The following LAD1 variants were observed in gnomAD, a reference collection of about 807,000 sequenced individuals.
The protein encoded by LAD1 is ladinin 1.
LAD1 carries 53 observed loss-of-function variants against 54.2 expected under a neutral mutation model. The ratio of observed to expected loss-of-function variants is 0.98; its 90% CI spans 0.78 to 1.23. The LOEUF is 1.23. Ranked by LOEUF, LAD1 falls within the 50% of genes most tolerant of loss-of-function variation. The pLI is 0.00. For missense variants in LAD1, 637 were observed against 653.3 expected, an observed-to-expected ratio of 0.98 and a Z score of 0.27; for synonymous variants, 231 against 257.7, an observed-to-expected ratio of 0.90 and a Z score of 0.99.
At chr1:201,390,650 T>C (rs1379650977) in intron 1 of LAD1, among the ~76,000 whole-genome samples, 1 of 152,220 alleles carries the variant, frequency 6.6e-6, no homozygotes, top group Non-Finnish European at 1.5e-5. Context: ...GTTGACACTT[T>C]GGCCAGACAA....
chr1:201,389,111 A>C, intron 2 of LAD1, 49 bp downstream of exon 2: 1 of 1,587,464 alleles, frequency 6.3e-7, no homozygotes, highest in Non-Finnish European at 8.6e-7. Context: ...ACTTAGTCTG[A>C]GGCAACCAGT....
intron 2 of LAD1, 24 bp downstream of exon 2, chr1:201,389,136 C>T (rs1253512176): frequency 6.2e-7 from 1 of 1,609,254 alleles, no homozygotes; most frequent in African/African-American, 1.3e-5. Flanking sequence ...CCCCATCCAT[C>T]AGGATAGAAA....
intron 5 of LAD1, 68 bp downstream of exon 5, chr1:201,384,724 G>T: frequency 6.6e-7 from 1 of 1,505,542 alleles, no homozygotes; most frequent in Non-Finnish European, 9.2e-7. Flanking sequence ...AGGAGGGCGG[G>T]TGCAGGTACT....
chr1:201,385,684 G>C lies in LAD1; in HGVS notation c.1131+17C>G. On this transcript the variant is annotated intron_variant, in intron 4 of 9. Transcript: ENST00000391967. ...GCCCTCCAGTGGCTCGCAGACCAGG[G>C]TGCCCAGGGCTCTCACCCGAAAGGA... 6.3e-7 allele frequency: 1 copy of C among 1,585,510 alleles called. No homozygotes were observed. The highest frequency in any genetic ancestry group is 8.7e-7 in the Non-Finnish European group (1 of 1,153,966).
chr1:201,384,419 C>A (rs560159499), intron 5 of LAD1, among the ~76,000 whole-genome samples: 1 of 152,300 alleles, frequency 6.6e-6, no homozygotes, highest in South Asian at 2.1e-4. Context: ...TGCAGACCCA[C>A]AGCCCCCCAA....
Position 201,389,239 on chromosome 1 carries a change from G to C in LAD1, c.103C>G (p.Arg35Gly). ...TCGTCCGTGGTGGAGCTCAGGTTGCGGTGCCGCCGCCTGCGCTCGCGCTCC... is the reference window on the plus strand; with the variant it reads ...TCGTCCGTGGTGGAGCTCAGGTTGCCGTGCCGCCGCCTGCGCTCGCGCTCC... ...EQERERRRRHRNLSSTTDDEA... is the reference protein window; with the variant it reads ...EQERERRRRHGNLSSTTDDEA... Residue 35 changes from arginine (R) to glycine (G), a missense_variant, in exon 2 of 10, where the codon CGC becomes GGC. Coordinates refer to ENST00000391967, the MANE Select transcript of LAD1 (RefSeq NM_005558.4). The C allele has an allele frequency of 6.2e-7, 1 of 1,614,148 alleles. No individual in the cohort carries two copies. Among genetic ancestry groups the C allele is most frequent in the Non-Finnish European group, 8.5e-7 (1 of 1,180,028 alleles).
In LAD1 at chr1:201,382,650, T is replaced by A; in HGVS notation, c.1473+3A>T. The A allele has an allele frequency of 1.3e-6, 2 of 1,593,580 alleles. No individual in the cohort carries two copies. Among genetic ancestry groups the A allele is most frequent in the Non-Finnish European group, 1.7e-6 (2 of 1,169,394 alleles). Reference sequence around the variant, plus strand: ...TAAGAGACATCAGGGAGGGTGAGGATACCTGGGGGTCCTGATCTCCAGATT... The same window carrying A: ...TAAGAGACATCAGGGAGGGTGAGGAAACCTGGGGGTCCTGATCTCCAGATT... On this transcript the variant is annotated splice_donor_region_variant and intron_variant, in intron 8 of 9. Transcript: ENST00000391967.
Position 201,386,552 on chromosome 1 carries a change from T to G in LAD1, c.809A>C (p.Glu270Ala), listed in dbSNP as rs777705469. Residue 270 changes from glutamate to alanine, a missense_variant, in exon 3 of 10, where the codon GAG (glutamate) becomes GCG (alanine). Physicochemically the swap from Glu to Ala is moderately radical, Grantham distance 107. Transcript: ENST00000391967. ...CTTAGCATCTGCAGTTGGGCTCTTC[T>G]CTGAGGCCAGTGCCTTCTCAAAGAT... Reference protein sequence around the residue: ...ASIFEKALASEKSPTADAKPA... With the variant: ...ASIFEKALASAKSPTADAKPA... 6 of 1,613,250 alleles carry G rather than the reference T, an allele frequency of 3.7e-6. No homozygotes were observed. In the East Asian group the frequency reaches 1.1e-4, roughly 30 times the overall value.
Position 201,389,238 on chromosome 1 carries a change from C to A in LAD1, c.104G>T (p.Arg35Leu). The change falls in exon 2 of 10, where the codon CGC becomes CTC. Residue 35 changes from arginine (R) to leucine (L), a missense_variant. Transcript: ENST00000391967. ...ATCGTCCGTGGTGGAGCTCAGGTTG[C>A]GGTGCCGCCGCCTGCGCTCGCGCTC... ...EQERERRRRHRNLSSTTDDEA... is the reference protein window; with the variant it reads ...EQERERRRRHLNLSSTTDDEA... The A allele has an allele frequency of 6.2e-7, 1 of 1,614,118 alleles. No homozygotes were observed. The highest frequency in any genetic ancestry group is 1.1e-5 in the South Asian group (1 of 91,084).
chr1:201,388,412 C>T (rs1254899920), intron 2 of LAD1, among the ~76,000 whole-genome samples: 1 of 147,348 alleles, frequency 6.8e-6, no homozygotes, highest in Non-Finnish European at 1.5e-5. Flanking sequence ...CAGCTGGGCA[C>T]GGTGGCTCAT....
intron 1 of LAD1, among the ~76,000 whole-genome samples, chr1:201,397,029 C>T (rs1662302874): frequency 6.6e-6 from 1 of 152,194 alleles, no homozygotes; most frequent in African/African-American, 2.4e-5. Context: ...CTGACCAGGG[C>T]ACCCAGCCAG....
In LAD1 at chr1:201,386,645, G is replaced by C. The variant is rs752766427; in HGVS notation, c.716C>G (p.Ser239Cys). 6 of 1,614,186 alleles carry C rather than the reference G, an allele frequency of 3.7e-6. No homozygotes were observed. The East Asian group carries it at 1.3e-4, about 36-fold the overall frequency. Residue 239 changes from serine to cysteine, a missense_variant, in exon 3 of 10, where the codon TCT becomes TGT. Physicochemically the swap from Ser to Cys is moderately radical, Grantham distance 112. Coordinates refer to ENST00000391967, the MANE Select transcript of LAD1 (RefSeq NM_005558.4). ...CATCCCTGGGGCCAGCGACTTCTCAGAGACACTGGTTTTTTCTAGAACAGA... is the reference window on the plus strand; with the variant it reads ...CATCCCTGGGGCCAGCGACTTCTCACAGACACTGGTTTTTTCTAGAACAGA... ...KKSVLEKTSVSEKSLAPGMAL... is the reference protein window; with the variant it reads ...KKSVLEKTSVCEKSLAPGMAL...
intron 5 of LAD1, among the ~76,000 whole-genome samples, chr1:201,384,426 C>G (rs1448824928): frequency 6.6e-6 from 1 of 152,204 alleles, no homozygotes. Context: ...CCACAGCCCC[C>G]CAACCAGGCC....
rs1057041292 is a variant in LAD1 at position 201,386,321 on chromosome 1, G to A, written c.1026+14C>T. 9.7e-6 allele frequency: 14 copies of A among 1,438,492 alleles called. 1 individual carries two copies. The East Asian group carries it at 1.5e-4, about 16-fold the overall frequency. 89.1% of individuals were successfully genotyped at this position (1,438,492 alleles called of 1,614,324 possible). ...GGCAGAGTAGAAGGGTGGGAGGGAC[G>A]GGACACTGCCAACCTGGAGTGTGAC... is the stretch of plus-strand genomic sequence containing the variant. On this transcript the variant is annotated intron_variant, in intron 3 of 9. Transcript: ENST00000391967.
intron 1 of LAD1, among the ~76,000 whole-genome samples, chr1:201,390,386 A>T (rs1662177434): frequency 1.3e-5 from 2 of 151,570 alleles, no homozygotes; most frequent in African/African-American, 4.9e-5. Context: ...AAAAAAAAAA[A>T]ATTAGCTGGG....
intron 1 of LAD1, among the ~76,000 whole-genome samples, chr1:201,390,534 CA>C (rs1190786404): frequency 1.3e-5 from 2 of 151,852 alleles, no homozygotes; most frequent in Non-Finnish European, 1.5e-5. Context: ...AACTCCATCT[CA>C]AAAAAAACTT....
chr1:201,382,108 C>A lies in LAD1; in HGVS notation c.1548+144G>T. 5 of 864,052 alleles carry A rather than the reference C, an allele frequency of 5.8e-6. No individual in the cohort carries two copies. The South Asian group carries it at 7.8e-5, about 13-fold the overall frequency. The allele number at this position is 864,052 out of a possible 1,614,324, so 53.5% of individuals were successfully genotyped here. A position where few individuals can be genotyped will look rare whatever the true frequency, so the allele number is the denominator to read the frequency against. On this transcript the variant is annotated intron_variant, in intron 9 of 9. Transcript: ENST00000391967. The stretch of plus-strand genomic sequence containing the variant: ...ACCTTGTTCTCACGGTTGGCTCAGA[C>A]CAATCTGCATGAGCAGGGATGGGGG...
intron 5 of LAD1, 109 bp from the exon 6 acceptor site, chr1:201,383,498 G>A (rs1011449777): frequency 2.3e-5 from 24 of 1,034,104 alleles, no homozygotes; most frequent in Non-Finnish European, 2.9e-5. Context: ...TTGTGGCCAA[G>A]AGAATGTGGC....
rs570313722 is a variant in LAD1 at position 201,382,935 on chromosome 1, A to G, written c.1386+139T>C. 11 of 1,143,306 alleles carry G rather than the reference A, an allele frequency of 9.6e-6. No homozygotes were observed. The South Asian group carries it at 1.5e-4, about 15-fold the overall frequency. 70.8% of individuals were successfully genotyped at this position (1,143,306 alleles called of 1,614,324 possible). ...TAAGGAGATGGGCTCAGGAACGTGA[A>G]TGGGAACTCAAATGGAGGTTCTGCC... is the stretch of plus-strand genomic sequence containing the variant. On this transcript the variant is annotated intron_variant, in intron 7 of 9. Coordinates refer to ENST00000391967, the MANE Select transcript of LAD1 (RefSeq NM_005558.4).
Sources: allele counts gnomAD v4.1 joint callset (sites outside exome capture counted in the v4.1 genomes callset), GRCh38; gene constraint gnomAD v4.1.1; transcripts MANE v1.5; gene names NCBI Gene and HGNC (gene_info 2026-07-23, HGNC 2026-07-21).